Variants in GNAQ observed in about 807,000 individuals in gnomAD.
GNAQ encodes G protein subunit alpha q.
A neutral mutation model predicts 43.9 loss-of-function variants in GNAQ; 8 were observed. The ratio of observed to expected loss-of-function variants is 0.18; its 90% CI spans 0.11 to 0.33. The LOEUF is 0.33. Ranked by LOEUF, GNAQ falls within the 10% of genes least tolerant of loss-of-function variation. GNAQ has a pLI of 1.00. For synonymous variants in GNAQ, 155 were observed against 170.7 expected (o/e 0.91, Z 0.71); for missense variants, 158 against 450.8 (o/e 0.35, Z 5.88).
At chr9:77,785,412 G>A (rs1226199208) in intron 5 of GNAQ, among the ~76,000 whole-genome samples, 1 of 152,192 alleles carries the variant, frequency 6.6e-6, no homozygotes, top group African/African-American at 2.4e-5. Flanking sequence ...GGGAGAATAA[G>A]TTTCTGTTGT....
intron 1 of GNAQ, among the ~76,000 whole-genome samples, chr9:78,026,597 TC>T (rs1245316570): frequency 2.6e-5 from 4 of 152,190 alleles, no homozygotes; most frequent in African/African-American, 9.6e-5. Context: ...ACCAAGGCTT[TC>T]ACTCAATGGT....
intron 1 of GNAQ, among the ~76,000 whole-genome samples, chr9:77,948,516 A>AG (rs556631295): frequency 8.0e-4 from 121 of 152,056 alleles, no homozygotes; most frequent in African/African-American, 2.7e-3. Context: ...GAGGACACAG[A>AG]GGGGGGGCAG....
chr9:77,966,551 AC>A (rs1171740302), intron 1 of GNAQ, among the ~76,000 whole-genome samples: 1 of 152,164 alleles, frequency 6.6e-6, no homozygotes, highest in East Asian at 1.9e-4. Flanking sequence ...CTGGCTTTCT[AC>A]AGCAATGCCT....
At chr9:77,771,269 T>C (rs1180510270) in intron 5 of GNAQ, among the ~76,000 whole-genome samples, 1 of 152,194 alleles carries the variant, frequency 6.6e-6, no homozygotes, top group African/African-American at 2.4e-5. Context: ...TATTAAACTA[T>C]AAGTTTGGGC....
intron 5 of GNAQ, among the ~76,000 whole-genome samples, chr9:77,780,973 G>A (rs1467570761): frequency 8.1e-6 from 1 of 124,090 alleles, no homozygotes; most frequent in Admixed American, 8.5e-5. Flanking sequence ...TTTTTTTGCT[G>A]TTGAGATGTT....
At chr9:78,020,762 G>T (rs558840322) in intron 1 of GNAQ, among the ~76,000 whole-genome samples, 162 of 152,228 alleles carry the variant, frequency 1.1e-3, no homozygotes, top group Middle Eastern at 6.8e-3. Context: ...AGCCCCACGG[G>T]ACTCCCTATT....
At chr9:77,732,277 G>A (rs528987052) in intron 5 of GNAQ, among the ~76,000 whole-genome samples, 6 of 152,128 alleles carry the variant, frequency 3.9e-5, no homozygotes, top group African/African-American at 1.4e-4. Context: ...CAGGTTTAAA[G>A]GCAGTCTGGG....
intron 2 of GNAQ, among the ~76,000 whole-genome samples, chr9:77,831,629 T>C (rs1254262240): frequency 6.6e-6 from 1 of 152,246 alleles, no homozygotes; most frequent in East Asian, 1.9e-4. Flanking sequence ...TTTCATACTC[T>C]GTGTATTAAT....
intron 1 of GNAQ, among the ~76,000 whole-genome samples, chr9:77,978,784 G>A (rs1445739145): frequency 6.6e-6 from 1 of 152,178 alleles, no homozygotes; most frequent in Non-Finnish European, 1.5e-5. Flanking sequence ...AATGGGCCAG[G>A]TACAGTGGCT....
At chr9:77,775,316 A>C (rs1487873769) in intron 5 of GNAQ, among the ~76,000 whole-genome samples, 1 of 152,188 alleles carries the variant, frequency 6.6e-6, no homozygotes, top group Non-Finnish European at 1.5e-5. Context: ...TAAACACCTC[A>C]AAAGATTTTA....
intron 1 of GNAQ, among the ~76,000 whole-genome samples, chr9:78,025,447 G>A (rs1030198762): frequency 2.6e-5 from 4 of 152,104 alleles, no homozygotes; most frequent in East Asian, 3.9e-4. Context: ...ACCAACAATC[G>A]CACATTTTAC....
chr9:77,888,920 A>G (rs931708338), intron 2 of GNAQ, among the ~76,000 whole-genome samples: 1 of 152,102 alleles, frequency 6.6e-6, no homozygotes, highest in Admixed American at 6.6e-5. Context: ...TCAGCATGAC[A>G]TTTAGAATCA....
intron 1 of GNAQ, among the ~76,000 whole-genome samples, chr9:77,980,294 T>C (rs1176208543): frequency 6.6e-6 from 1 of 152,190 alleles, no homozygotes; most frequent in African/African-American, 2.4e-5. Context: ...ACACCAGATC[T>C]TGCATTTCAG....
At chr9:77,791,824 G>C (rs1826579163) in intron 5 of GNAQ, among the ~76,000 whole-genome samples, 1 of 152,136 alleles carries the variant, frequency 6.6e-6, no homozygotes, top group African/African-American at 2.4e-5. Flanking sequence ...TACCAAGGGA[G>C]GGAGGCACAA....
chr9:77,947,018 A>G (rs745810111), intron 1 of GNAQ, among the ~76,000 whole-genome samples: 1 of 152,246 alleles, frequency 6.6e-6, no homozygotes, highest in Non-Finnish European at 1.5e-5. Context: ...GCTACGCCCA[A>G]CTTCTCCCGA....
At chr9:77,861,716 C>A (rs1587370585) in intron 2 of GNAQ, among the ~76,000 whole-genome samples, 1 of 152,228 alleles carries the variant, frequency 6.6e-6, no homozygotes, top group African/African-American at 2.4e-5. Context: ...ATGCGTGATG[C>A]ATGAGGTCAG....
intron 1 of GNAQ, among the ~76,000 whole-genome samples, chr9:77,956,856 A>G (rs1469091085): frequency 1.3e-5 from 2 of 152,212 alleles, no homozygotes; most frequent in Non-Finnish European, 2.9e-5. Flanking sequence ...AGAGAGTTCT[A>G]TAACACCTCA....
rs553499417 is a variant in GNAQ, at chr9:77,765,223, CA to C, written c.735+29239del. 2.0e-5 allele frequency among the ~76,000 whole-genome samples: 3 copies of C among 152,022 alleles called. No individual in the cohort carries two copies. In the South Asian group the frequency reaches 6.2e-4, roughly 32 times the overall value. On this transcript the variant is annotated intron_variant, in intron 5 of 6. Transcript: ENST00000286548. ...CATTCTCCATGCATTGAGGAAGGGA[CA>C]AAAAATAGCTATTATCAACATATGA...
chr9:77,727,567 AAC>A (rs1825416939), intron 6 of GNAQ, among the ~76,000 whole-genome samples: 1 of 152,206 alleles, frequency 6.6e-6, no homozygotes, highest in African/African-American at 2.4e-5. Context: ...CAAAGAGCTT[AAC>A]ACTGGGTTAC....
Sources: allele counts gnomAD v4.1 joint callset (sites outside exome capture counted in the v4.1 genomes callset), GRCh38; gene constraint gnomAD v4.1.1; transcripts MANE v1.5; gene names NCBI Gene and HGNC (gene_info 2026-07-23, HGNC 2026-07-21).